CD200: variants seen among roughly 807,000 people sequenced by gnomAD.
CD200 encodes the protein OX-2 membrane glycoprotein.
Under a neutral mutation model 30.9 loss-of-function variants are expected in CD200, and 15 were observed. The ratio of observed to expected loss-of-function variants is 0.49; its 90% CI spans 0.32 to 0.75. The LOEUF (loss-of-function observed/expected upper bound fraction) is 0.75, where lower values mean the gene tolerates loss of function less well. Ranked by LOEUF, CD200 falls within the 30% of genes least tolerant of loss-of-function variation. The pLI is 0.03. For synonymous variants in CD200, 134 were observed against 126.2 expected (o/e 1.06, Z -0.41); for missense variants, 262 against 324.2 (o/e 0.81, Z 1.47).
At position 112,344,904 on chromosome 3, in the gene CD200, G is replaced by A. The variant is rs528798632; in HGVS notation, c.95-58G>A. On this transcript the variant is annotated intron_variant, in intron 2 of 5. Transcript: ENST00000315711. ...GAATATACATTTTATTTATAATCAG[G>A]AAAAAGTGTATGTGTGTTACAATCT... 7 of 1,250,190 alleles carry A rather than the reference G, an allele frequency of 5.6e-6. No individual in the cohort carries two copies. In the South Asian group the frequency reaches 8.7e-5, roughly 16 times the overall value. The allele number at this position is 1,250,190 out of a possible 1,614,324, so 77.4% of individuals were successfully genotyped here.
intron 2 of CD200, among the ~76,000 whole-genome samples, chr3:112,342,016 T>C (rs1003434580): frequency 6.6e-6 from 1 of 152,170 alleles, no homozygotes; most frequent in African/African-American, 2.4e-5. Flanking sequence ...GGGAGTTGCT[T>C]GTTTACTCAG....
Position 112,345,036 on chromosome 3 carries a change from C to T in CD200, c.169C>T (p.Gln57Ter). The change falls in exon 3 of 6, where the codon CAG (glutamine) becomes TAG (stop). Residue 57 changes from glutamine to a stop codon, truncating the protein, a stop_gained. Coordinates refer to ENST00000315711, the MANE Select transcript of CD200 (RefSeq NM_005944.7). LOFTEE classifies it high-confidence loss of function. ...CTTAAAATGCTCTCTGCAAAATGCC[C>T]AGGAAGCCCTCATTGTGACATGGCA... is the stretch of plus-strand genomic sequence containing the variant. ...ASLKCSLQNAQEALIVTWQKK... is the reference protein window; with the variant it reads ...ASLKCSLQNA The T allele has an allele frequency of 6.2e-7, 1 of 1,614,056 alleles. No homozygotes were observed.
intron 5 of CD200, among the ~76,000 whole-genome samples, chr3:112,354,144 A>AC (rs1446783184): frequency 6.6e-6 from 1 of 152,014 alleles, no homozygotes; most frequent in African/African-American, 2.4e-5. Flanking sequence ...TAACATCTAA[A>AC]CCCACATGGG....
At chr3:112,359,987 G>A (rs1161410292) in intron 5 of CD200, among the ~76,000 whole-genome samples, 1 of 152,172 alleles carries the variant, frequency 6.6e-6, no homozygotes, top group Non-Finnish European at 1.5e-5. Context: ...GGGAAGAGTG[G>A]TTTTTAGCAA....
rs770419915 is a variant in CD200, at chr3:112,347,796, G to A, written c.660G>A (p.Gly220=). 3.7e-6 allele frequency: 6 copies of A among 1,613,680 alleles called. No homozygotes were observed. Among genetic ancestry groups the A allele is most frequent in the Non-Finnish European group, 5.1e-6 (6 of 1,179,842 alleles). The change falls in exon 4 of 6, where the codon GGG becomes GGA. Residue 220 remains glycine, a synonymous_variant. Coordinates refer to ENST00000315711, the MANE Select transcript of CD200 (RefSeq NM_005944.7). ...KEVICQVLHL[G]TVTDFKQTVN... ...TGATCTGCCAGGTGCTGCACCTGGG[G>A]ACTGTGACCGACTTTAAGCAAACCG...
At position 112,361,579 on chromosome 3, in the gene CD200, TC is replaced by T. The variant is rs1559795142; in HGVS notation, c.*32del. On this transcript the variant is annotated 3_prime_UTR_variant, in exon 6 of 6. Coordinates refer to ENST00000315711, the MANE Select transcript of CD200 (RefSeq NM_005944.7). ...AGTCACACAGCACCCTGAAAGTGAT[TC>T]CCTGGTCTACTTGAATTTGACACAA... 2 of 1,598,524 alleles carry T rather than the reference TC, an allele frequency of 1.3e-6. No individual in the cohort carries two copies. Among genetic ancestry groups the T allele is most frequent in the Non-Finnish European group, 1.7e-6 (2 of 1,165,772 alleles).
intron 2 of CD200, among the ~76,000 whole-genome samples, chr3:112,343,791 A>C (rs2081323077): frequency 6.6e-6 from 1 of 152,156 alleles, no homozygotes; most frequent in Non-Finnish European, 1.5e-5. Flanking sequence ...ATCTGATTTT[A>C]GATTGTTCCT....
At chr3:112,343,060 A>C (rs2081304640) in intron 2 of CD200, among the ~76,000 whole-genome samples, 1 of 151,658 alleles carries the variant, frequency 6.6e-6, no homozygotes, top group South Asian at 2.1e-4. Context: ...AAAGTTTATT[A>C]TTTCTCTTTC....
intron 5 of CD200, among the ~76,000 whole-genome samples, chr3:112,357,547 A>G (rs2081651391): frequency 2.6e-5 from 4 of 152,202 alleles, no homozygotes; most frequent in Admixed American, 2.6e-4. Flanking sequence ...TTATCGAAGT[A>G]TATTTTCATG....
chr3:112,347,919 T>C, intron 4 of CD200, 89 bp downstream of exon 4: 1 of 1,170,134 alleles, frequency 8.5e-7, no homozygotes, highest in Non-Finnish European at 1.2e-6. Context: ...TTTCAGCCTC[T>C]TAGCATAATC....
At chr3:112,347,478 T>C in intron 3 of CD200, 80 bp from the exon 4 acceptor site, 1 of 1,350,912 alleles carries the variant, frequency 7.4e-7, no homozygotes, top group Non-Finnish European at 1.0e-6. Flanking sequence ...TAAGCATATT[T>C]CCTTCATCTC....
At chr3:112,351,498 A>G (rs371572008) in intron 5 of CD200, among the ~76,000 whole-genome samples, 49 of 152,336 alleles carry the variant, frequency 3.2e-4, no homozygotes, top group African/African-American at 1.2e-3. Flanking sequence ...TCTGGGAAAT[A>G]TAGTCATTCA....
At chr3:112,340,850 G>T in intron 1 of CD200, 52 bp from the exon 2 acceptor site, 1 of 1,125,618 alleles carries the variant, frequency 8.9e-7, no homozygotes, top group South Asian at 1.3e-5. Context: ...AAGCTTCCTT[G>T]GATTTGTCCA....
chr3:112,349,859 A>AATTTG, intron 5 of CD200, 40 bp downstream of exon 5: 2 of 1,557,706 alleles, frequency 1.3e-6, no homozygotes, highest in Non-Finnish European at 1.7e-6. Flanking sequence ...ACATAAATTA[A>AATTTG]ATTTGATTTT....
chr3:112,334,378 A>C (rs1171532358), intron 1 of CD200: 1 of 291,904 alleles, frequency 3.4e-6, no homozygotes, highest in Non-Finnish European at 5.1e-6. Flanking sequence ...TCAGGACTGT[A>C]GTTCCCCCTA....
At chr3:112,358,104 A>G (rs1339824744) in intron 5 of CD200, among the ~76,000 whole-genome samples, 1 of 152,122 alleles carries the variant, frequency 6.6e-6, no homozygotes, top group East Asian at 1.9e-4. Flanking sequence ...ACACGCACAC[A>G]CACACAGTTA....
intron 1 of CD200, among the ~76,000 whole-genome samples, chr3:112,337,560 T>C (rs909973101): frequency 4.6e-5 from 7 of 152,208 alleles, no homozygotes. Context: ...TTAGGGGCTA[T>C]AGAAGAAGAT....
At chr3:112,353,887 T>G (rs2081581545) in intron 5 of CD200, among the ~76,000 whole-genome samples, 1 of 152,116 alleles carries the variant, frequency 6.6e-6, no homozygotes, top group Admixed American at 6.5e-5. Context: ...TCCTCATAGT[T>G]CCAGGAGGAA....
At chr3:112,358,460 T>C (rs868239430) in intron 5 of CD200, among the ~76,000 whole-genome samples, 6 of 151,166 alleles carry the variant, frequency 4.0e-5, no homozygotes, top group African/African-American at 1.5e-4. Context: ...GAACTTGTGA[T>C]GCCGAAAACT....
Sources: gnomAD v4.1 joint callset for allele counts (sites outside exome capture counted in the v4.1 genomes callset) on GRCh38, gnomAD v4.1.1 for gene constraint, MANE v1.5 for transcripts, NCBI Gene and HGNC (gene_info 2026-07-23, HGNC 2026-07-21) for gene names.